The following RYR3 variants were observed in gnomAD, a reference collection of about 807,000 sequenced individuals.
RYR3 encodes the protein brain ryanodine receptor-calcium release channel.
A neutral mutation model predicts 584.3 loss-of-function variants in RYR3; 207 were observed. The ratio of observed to expected loss-of-function variants is 0.35; its 90% confidence interval spans 0.32 to 0.40. The LOEUF is 0.40. Ranked by LOEUF, RYR3 falls within the 10% of genes least tolerant of loss-of-function variation. The pLI is 1.00. For synonymous variants in RYR3, 2,416 were observed against 2,248.5 expected, an observed-to-expected ratio of 1.07 and a Z score of -2.11; for missense variants, 5,616 against 6,089.2, an observed-to-expected ratio of 0.92 and a Z score of 2.59.
intron 67 of RYR3, among the ~76,000 whole-genome samples, chr15:33,798,002 C>A (rs1223593779): frequency 6.6e-6 from 1 of 152,196 alleles, no homozygotes. Context: ...TTTAGTCTCA[C>A]ACGGAAAAGA....
chr15:33,415,136 G>C (rs2043708331), intron 1 of RYR3, among the ~76,000 whole-genome samples: 1 of 152,148 alleles, frequency 6.6e-6, no homozygotes, highest in Non-Finnish European at 1.5e-5. Context: ...TATGAAAAAA[G>C]AATGCAAAGT....
At chr15:33,800,942 T>C (rs2075886365) in intron 68 of RYR3, 85 bp downstream of exon 68, 10 of 987,094 alleles carry the variant, frequency 1.0e-5, no homozygotes, top group Non-Finnish European at 1.6e-5. Flanking sequence ...AAGCCAACAG[T>C]AAAATATTCG....
chr15:33,699,866 A>G (rs752366719), intron 41 of RYR3, 33 bp downstream of exon 41: 34 of 1,600,380 alleles, frequency 2.1e-5, no homozygotes, highest in Non-Finnish European at 2.7e-5. Flanking sequence ...TCCACATCCA[A>G]ACTCGAAGGT....
intron 64 of RYR3, among the ~76,000 whole-genome samples, chr15:33,778,802 A>C (rs1373407954): frequency 6.6e-6 from 1 of 152,208 alleles, no homozygotes; most frequent in Non-Finnish European, 1.5e-5. Flanking sequence ...TCCAAAGGAC[A>C]AGACTGAGCC....
chr15:33,335,236 C>T (rs9744281), intron 1 of RYR3, among the ~76,000 whole-genome samples: 18,896 of 152,212 alleles, frequency 0.12, 1,458 homozygotes, highest in South Asian at 0.21. Context: ...TGTGTATGCT[C>T]ATTGCAGCAC....
intron 10 of RYR3, among the ~76,000 whole-genome samples, chr15:33,552,428 C>T (rs973172846): frequency 1.3e-5 from 2 of 152,178 alleles, no homozygotes; most frequent in South Asian, 4.1e-4. Flanking sequence ...GGTGGAAAGT[C>T]GTCATGGTAC....
chr15:33,369,889 A>G (rs969418664), intron 1 of RYR3, among the ~76,000 whole-genome samples: 1 of 152,170 alleles, frequency 6.6e-6, no homozygotes, highest in Non-Finnish European at 1.5e-5. Flanking sequence ...TATAATCCCC[A>G]TGGACTTTAA....
At chr15:33,816,806 TA>T in intron 74 of RYR3, 55 bp from the exon 75 acceptor site, 1 of 1,213,998 alleles carries the variant, frequency 8.2e-7, no homozygotes, top group Non-Finnish European at 1.2e-6. Flanking sequence ...CTGCCCAAAC[TA>T]AAAGAACAAG....
rs79058668 is a variant in RYR3 at position 33,390,209 on chromosome 15, G to A, written c.51+79113G>A. ...TTTTCAATATGCTTTTCAAATGAAG[G>A]CAATCATTAAATATAGCCCATTGGT... On this transcript the variant is annotated intron_variant, in intron 1 of 103. Coordinates refer to ENST00000634891, the MANE Select transcript of RYR3 (RefSeq NM_001036.6). This position sits in a 1 kb window ranked among gnomAD's most constrained non-coding sequence, Gnocchi z 4.2. Among the ~76,000 whole-genome samples the A allele has an allele frequency of 6.8e-3, 1,031 of 152,304 alleles. 5 individuals carry two copies. Among genetic ancestry groups the A allele is most frequent in the Middle Eastern group, 0.017 (5 of 294 alleles).
chr15:33,549,849 T>C (rs1337000727), intron 9 of RYR3, among the ~76,000 whole-genome samples: 1 of 152,160 alleles, frequency 6.6e-6, no homozygotes, highest in Non-Finnish European at 1.5e-5. Flanking sequence ...TCCCATTGAT[T>C]TGTGGTTATT....
At chr15:33,556,016 C>T (rs892236891) in intron 10 of RYR3, among the ~76,000 whole-genome samples, 2 of 125,360 alleles carry the variant, frequency 1.6e-5, no homozygotes, top group Admixed American at 1.7e-4. Context: ...GGTGATTCCT[C>T]AAGGTTTCTC....
intron 1 of RYR3, among the ~76,000 whole-genome samples, chr15:33,455,443 C>T (rs1596219009): frequency 1.3e-5 from 2 of 152,068 alleles, no homozygotes; most frequent in South Asian, 4.2e-4. Flanking sequence ...AGGAATTCTA[C>T]CTCTAAAGGC....
intron 12 of RYR3, among the ~76,000 whole-genome samples, chr15:33,573,370 G>C (rs2058134857): frequency 6.6e-6 from 1 of 152,190 alleles, no homozygotes; most frequent in Non-Finnish European, 1.5e-5. Flanking sequence ...CGGAAACCAG[G>C]AGGAGGGGTG....
At chr15:33,708,825 T>A (rs2066898041) in intron 43 of RYR3, among the ~76,000 whole-genome samples, 1 of 152,184 alleles carries the variant, frequency 6.6e-6, no homozygotes, top group South Asian at 2.1e-4. Flanking sequence ...GGGTTCTTAT[T>A]CCTGATGCAC....
At chr15:33,426,190 G>T (rs1197260695) in intron 1 of RYR3, among the ~76,000 whole-genome samples, 1 of 152,174 alleles carries the variant, frequency 6.6e-6, no homozygotes. Flanking sequence ...CGAGCTTCTT[G>T]ACAGGTGATG....
intron 11 of RYR3, 137 bp from the exon 12 acceptor site, chr15:33,566,541 C>A: frequency 1.1e-6 from 1 of 882,186 alleles, no homozygotes. Context: ...CGCTAATGTC[C>A]CATTCTCAAA....
rs140238460 is a variant in RYR3, at chr15:33,719,666, G to A, written c.6620-3049G>A. Among the ~76,000 whole-genome samples the A allele has an allele frequency of 2.5e-3, 374 of 152,340 alleles. 1 individual carries two copies. Among genetic ancestry groups the A allele is most frequent in the African/African-American group, 8.1e-3 (338 of 41,576 alleles). ...CAAAACCATTCGAAAGTAGTGAACTGTGAGATACGTCCATGTCTGAGACCA... is the reference window on the plus strand; with the variant it reads ...CAAAACCATTCGAAAGTAGTGAACTATGAGATACGTCCATGTCTGAGACCA... On this transcript the variant is annotated intron_variant, in intron 43 of 103. Transcript: ENST00000634891.
chr15:33,503,870 C>T (rs1340953349), intron 3 of RYR3, 132 bp downstream of exon 3: 2 of 631,136 alleles, frequency 3.2e-6, no homozygotes, highest in African/African-American at 3.7e-5. Flanking sequence ...GATAGTAAAT[C>T]TTTCTCCCTG....
At chr15:33,586,454 A>C (rs1254557132) in intron 16 of RYR3, among the ~76,000 whole-genome samples, 1 of 152,190 alleles carries the variant, frequency 6.6e-6, no homozygotes. Flanking sequence ...GGAACTTCGT[A>C]GTGAAACAGC....
Sources: allele counts gnomAD v4.1 joint callset (sites outside exome capture counted in the v4.1 genomes callset), GRCh38; gene constraint gnomAD v4.1.1; non-coding constraint Gnocchi (gnomAD v3.1); transcripts MANE v1.5; gene names NCBI Gene and HGNC (gene_info 2026-07-23, HGNC 2026-07-21).